Variants in ZNF57 observed in about 807,000 individuals in gnomAD.
ZNF57 encodes the protein zinc finger protein 424.
A neutral mutation model predicts 13.4 loss-of-function variants in ZNF57; 11 were observed. The observed-to-expected ratio is 0.82, with a 90% confidence interval of 0.52 to 1.36. The LOEUF is 1.36. Ranked by LOEUF, ZNF57 falls within the 40% of genes most tolerant of loss-of-function variation. The pLI is 0.00. For missense variants in ZNF57, 696 were observed against 667.5 expected (o/e 1.04, Z -0.47); for synonymous variants, 224 against 238.5 (o/e 0.94, Z 0.56).
chr19:2,912,844 T>A (rs1212081712), intron 1 of ZNF57, among the ~76,000 whole-genome samples: 1 of 152,216 alleles, frequency 6.6e-6, no homozygotes, highest in Non-Finnish European at 1.5e-5. Context: ...ATTTTACCCA[T>A]CCTAGTGGGT....
chr19:2,917,604 G>C lies in ZNF57; in HGVS notation c.983G>C (p.Arg328Thr), dbSNP rs1186067716. 1 of 1,612,888 alleles carries C rather than the reference G, an allele frequency of 6.2e-7. No individual in the cohort carries two copies. The highest frequency in any genetic ancestry group is 8.5e-7 in the Non-Finnish European group (1 of 1,179,580). ...TCTGAAACCTTGCGAGTCCACATGA[G>C]GATCCACACTGGGGACAAACTCTAT... The part of the protein sequence containing the change: ...SWSETLRVHM[R>T]IHTGDKLYKC... The change falls in exon 4 of 4, where the codon AGG becomes ACG. Residue 328 changes from arginine (R) to threonine (T), a missense_variant. Transcript: ENST00000306908.
rs2144936440 is a variant in ZNF57 at position 2,916,855 on chromosome 19, CTTG to C, written c.303-66_303-64del. On this transcript the variant is annotated intron_variant, in intron 3 of 3. Transcript: ENST00000306908. Reference sequence around the variant, plus strand: ...ATGTAGTTAGACATTATTTCTAATACTTGTTAATACATCTCAACACATCATTAC... The same window carrying C: ...ATGTAGTTAGACATTATTTCTAATACTTAATACATCTCAACACATCATTAC... The C allele has an allele frequency of 3.1e-6, 4 of 1,308,180 alleles. No individual in the cohort carries two copies. The South Asian group carries it at 4.7e-5, about 15-fold the overall frequency. The allele number at this position is 1,308,180 out of a possible 1,614,324, so 81.0% of individuals were successfully genotyped here.
chr19:2,912,814 A>C (rs1599601779), intron 1 of ZNF57, among the ~76,000 whole-genome samples: 1 of 151,982 alleles, frequency 6.6e-6, no homozygotes, highest in East Asian at 1.9e-4. Flanking sequence ...GCCAAAACTT[A>C]TTTTCTTTTT....
chr19:2,905,413 C>CCT lies in ZNF57; in HGVS notation c.3+4366_3+4367insTC, dbSNP rs1339747814. 2.9e-5 allele frequency among the ~76,000 whole-genome samples: 2 copies of CCT among 69,856 alleles called. 1 individual carries two copies. The highest frequency in any genetic ancestry group is 5.1e-4 in the East Asian group (2 of 3,918). 45.8% of individuals were successfully genotyped at this position (69,856 alleles called of 152,430 possible). On this transcript the variant is annotated intron_variant, in intron 1 of 3. Coordinates refer to ENST00000306908, the MANE Select transcript of ZNF57 (RefSeq NM_173480.3). ...CTCTTGACTTCAGGTGATCGCCCCC[C>CCT]CCCCCTCGGCATTCCAAAGTATTTG...
At chr19:2,910,378 C>G (rs1246114177) in intron 1 of ZNF57, among the ~76,000 whole-genome samples, 1 of 46,306 alleles carries the variant, frequency 2.2e-5, no homozygotes, top group African/African-American at 4.9e-5. Flanking sequence ...TGTCTACAGA[C>G]ATTCATCATT....
chr19:2,912,408 C>G (rs2088146500), intron 1 of ZNF57: 2 of 152,212 alleles, frequency 1.3e-5, no homozygotes, highest in African/African-American at 4.8e-5. Flanking sequence ...CCTGAGATTG[C>G]TAACTCAGAC....
intron 2 of ZNF57, 100 bp downstream of exon 2, chr19:2,915,748 A>G (rs915053279): frequency 1.3e-6 from 2 of 1,552,160 alleles, no homozygotes; most frequent in Non-Finnish European, 1.8e-6. Flanking sequence ...ACTAAGACAG[A>G]CATGTTCACA....
chr19:2,903,553 G>A (rs944990691), intron 1 of ZNF57, among the ~76,000 whole-genome samples: 5 of 151,964 alleles, frequency 3.3e-5, no homozygotes, highest in Non-Finnish European at 7.4e-5. Context: ...CTTACTGCCC[G>A]CATAAATAGG....
rs766905574 is a variant in ZNF57 at position 2,918,188 on chromosome 19, C to A, written c.1567C>A (p.Leu523Met). ...FKWHSSFRNHLRMHTGQKSHE... is the reference protein window; with the variant it reads ...FKWHSSFRNHMRMHTGQKSHE... ...GTGGCACTCCTCCTTCCGGAACCAT[C>A]TGAGGATGCACACAGGACAGAAATC... is the stretch of plus-strand genomic sequence containing the variant. Residue 523 changes from leucine to methionine, a missense_variant, in exon 4 of 4, where the codon CTG (leucine) becomes ATG (methionine). By Grantham distance (15) the Leu-to-Met change is conservative. Around this residue, in one of 3 missense-constraint regions of ZNF57, gnomAD observed 645 missense variants for 591.5 expected, o/e 1.09. Transcript: ENST00000306908. The A allele has an allele frequency of 1.5e-5, 25 of 1,614,166 alleles. No homozygotes were observed. Among genetic ancestry groups the A allele is most frequent in the Non-Finnish European group, 1.9e-5 (23 of 1,180,036 alleles).
Position 2,901,582 on chromosome 19 carries a change from G to A in ZNF57, c.3+534G>A, listed in dbSNP as rs571300672. ...TGTCGCCAGGCTGGAGTGCAGTGGC[G>A]TGATCTCGGCTCACTGCAACTTCCG... On this transcript the variant is annotated intron_variant, in intron 1 of 3. Transcript: ENST00000306908. Among the ~76,000 whole-genome samples the A allele has an allele frequency of 3.3e-5, 5 of 152,128 alleles. No homozygotes were observed. In the East Asian group the frequency reaches 7.7e-4, roughly 24 times the overall value.
intron 1 of ZNF57, among the ~76,000 whole-genome samples, chr19:2,913,201 C>G (rs905568907): frequency 6.6e-6 from 1 of 152,222 alleles, no homozygotes; most frequent in Non-Finnish European, 1.5e-5. Context: ...ATCCACCCAC[C>G]TCTAAAGTGC....
chr19:2,909,271 A>ATTTT (rs2088108223), intron 1 of ZNF57, among the ~76,000 whole-genome samples: 5 of 120,562 alleles, frequency 4.1e-5, no homozygotes, highest in Non-Finnish European at 8.9e-5. Context: ...ATTTTATTTT[A>ATTTT]TTTATTTTTG....
Position 2,918,278 on chromosome 19 carries a change from A to C in ZNF57, c.1657A>C (p.Ser553Arg), listed in dbSNP as rs748260855. The C allele has an allele frequency of 1.4e-5, 22 of 1,600,150 alleles. No homozygotes were observed. Among genetic ancestry groups the C allele is most frequent in the Non-Finnish European group, 1.9e-5 (22 of 1,172,596 alleles). The change falls in exon 4 of 4, where the codon AGC becomes CGC. Residue 553 changes from serine (S) to arginine (R), a missense_variant. Coordinates refer to ENST00000306908, the MANE Select transcript of ZNF57 (RefSeq NM_173480.3). ...CQVILSKTSE[S>R]TH Reference sequence around the variant, plus strand: ...AGTCATTCTTTCTAAAACCAGTGAGAGCACACACTAAAGAGAAATTCTATA... The same window carrying C: ...AGTCATTCTTTCTAAAACCAGTGAGCGCACACACTAAAGAGAAATTCTATA...
chr19:2,902,090 A>G (rs1466552666), intron 1 of ZNF57, among the ~76,000 whole-genome samples: 1 of 147,570 alleles, frequency 6.8e-6, no homozygotes, highest in Non-Finnish European at 1.5e-5. Context: ...GGGCGGGGGA[A>G]TATCACAAAG....
chr19:2,906,300 C>G (rs956022302), intron 1 of ZNF57, among the ~76,000 whole-genome samples: 3 of 152,200 alleles, frequency 2.0e-5, no homozygotes, highest in Non-Finnish European at 2.9e-5. Flanking sequence ...GCGATCCTCC[C>G]GCCTCAGCCT....
intron 1 of ZNF57, among the ~76,000 whole-genome samples, chr19:2,903,534 A>C (rs562794063): frequency 6.6e-6 from 1 of 151,352 alleles, no homozygotes; most frequent in South Asian, 2.1e-4. Context: ...TAATATAAAC[A>C]CCAGTGGCCT....
intron 2 of ZNF57, chr19:2,915,875 G>T: frequency 1.1e-6 from 1 of 903,790 alleles, no homozygotes. Flanking sequence ...CATTAGTAGG[G>T]GTATAGATTT....
At chr19:2,903,178 T>C (rs940407487) in intron 1 of ZNF57, among the ~76,000 whole-genome samples, 1 of 152,182 alleles carries the variant, frequency 6.6e-6, no homozygotes, top group Non-Finnish European at 1.5e-5. Flanking sequence ...CTGTGCTGTC[T>C]TGGAGCCGTT....
rs770033011 is a variant in ZNF57, at chr19:2,917,098, C to G, written c.477C>G (p.Val159=). The change falls in exon 4 of 4, where the codon GTC becomes GTG. Residue 159 remains valine, a synonymous_variant. Coordinates refer to ENST00000306908, the MANE Select transcript of ZNF57 (RefSeq NM_173480.3). ...FTHLSSLKRH[V]KSHCGRKAPP... is the part of the protein sequence containing the mutation. ...ATCTTTCTTCTCTTAAAAGGCACGTCAAGTCTCACTGTGGACGAAAAGCAC... is the reference window on the plus strand; with the variant it reads ...ATCTTTCTTCTCTTAAAAGGCACGTGAAGTCTCACTGTGGACGAAAAGCAC... 5 of 1,614,096 alleles carry G rather than the reference C, an allele frequency of 3.1e-6. No individual in the cohort carries two copies. The highest frequency in any genetic ancestry group is 1.7e-5 in the Admixed American group (1 of 60,000).
Sources: gnomAD v4.1 joint callset for allele counts (sites outside exome capture counted in the v4.1 genomes callset) on GRCh38, gnomAD v4.1.1 for gene constraint, gnomAD v4.1.1 regional missense constraint, MANE v1.5 for transcripts, NCBI Gene and HGNC (gene_info 2026-07-23, HGNC 2026-07-21) for gene names.